The following HPGDS variants were observed in gnomAD, a reference collection of about 807,000 sequenced individuals.
HPGDS encodes the protein hematopoietic prostaglandin D synthase.
HPGDS carries 26 observed loss-of-function variants against 23.1 expected under a neutral mutation model. That is an observed-to-expected ratio of 1.13 (90% confidence interval 0.83 to 1.56). The LOEUF (loss-of-function observed/expected upper bound fraction) is 1.56. Among genes scored for constraint, HPGDS ranks in the 40% most tolerant of loss-of-function variants. The pLI, the probability that HPGDS is intolerant of heterozygous loss-of-function variation, is 0.00. For missense variants in HPGDS, 268 were observed against 236.4 expected, an observed-to-expected ratio of 1.13 and a Z score of -0.88; for synonymous variants, 95 against 77.9, an observed-to-expected ratio of 1.22 and a Z score of -1.16.
At chr4:94,311,588 T>G (rs891490161) in intron 3 of HPGDS, among the ~76,000 whole-genome samples, 2 of 151,310 alleles carry the variant, frequency 1.3e-5, no homozygotes, top group African/African-American at 4.9e-5. Context: ...AGGATATTGG[T>G]CTAAACTTCT....
At chr4:94,335,662 T>C (rs578236729) in intron 1 of HPGDS, among the ~76,000 whole-genome samples, 2 of 152,278 alleles carry the variant, frequency 1.3e-5, no homozygotes, top group Admixed American at 6.5e-5. Flanking sequence ...AACTTAATCA[T>C]TAGCATCAGT....
In HPGDS at chr4:94,334,511, G is replaced by T; in HGVS notation, c.119C>A (p.Pro40His). Residue 40 changes from proline (P) to histidine (H), a missense_variant, in exon 2 of 6, where the codon CCT (proline) becomes CAT (histidine). By Grantham distance (77) the Pro-to-His change is moderately conservative. Coordinates refer to ENST00000295256, the MANE Select transcript of HPGDS (RefSeq NM_014485.3). Reference protein sequence around the residue: ...EDHRIEQADWPEIKSTLPFGK... With the variant: ...EDHRIEQADWHEIKSTLPFGK... ...TTGCTACTTACTTGATTTGATTTCA[G>T]GCCAGTCAGCTTGTTCTATTCTGTG... 6.3e-7 allele frequency: 1 copy of T among 1,591,372 alleles called. No individual in the cohort carries two copies.
At chr4:94,333,746 A>G (rs140945541) in intron 2 of HPGDS, among the ~76,000 whole-genome samples, 48 of 152,350 alleles carry the variant, frequency 3.2e-4, no homozygotes, top group Non-Finnish European at 6.0e-4. Flanking sequence ...GTGAACTTAT[A>G]TTTCAAAGCT....
intron 2 of HPGDS, among the ~76,000 whole-genome samples, chr4:94,328,801 A>G (rs1020580527): frequency 2.0e-5 from 3 of 152,194 alleles, no homozygotes; most frequent in African/African-American, 7.2e-5. Flanking sequence ...TTAGTTTTGG[A>G]CATAAAATTA....
rs541766902 is a variant in HPGDS at position 94,321,370 on chromosome 4, C to T, written c.134-3405G>A. Reference sequence around the variant, plus strand: ...ACCTTGGGCAGTATGGCCATTTTCACGATATTGATTCTTCCTACCCATGAG... The same window carrying T: ...ACCTTGGGCAGTATGGCCATTTTCATGATATTGATTCTTCCTACCCATGAG... On this transcript the variant is annotated intron_variant, in intron 2 of 5. Transcript: ENST00000295256. Among the ~76,000 whole-genome samples, 14 of 152,226 alleles carry T rather than the reference C, an allele frequency of 9.2e-5. No individual in the cohort carries two copies. In the South Asian group the frequency reaches 1.9e-3, roughly 20 times the overall value.
intron 1 of HPGDS, among the ~76,000 whole-genome samples, chr4:94,338,402 G>T (rs947724806): frequency 6.6e-6 from 1 of 152,140 alleles, no homozygotes; most frequent in Non-Finnish European, 1.5e-5. Context: ...TCCAGCCTGG[G>T]CGACAGTGAG....
intron 2 of HPGDS, among the ~76,000 whole-genome samples, chr4:94,324,286 C>T (rs1444742927): frequency 1.3e-5 from 2 of 152,094 alleles, no homozygotes; most frequent in Non-Finnish European, 2.9e-5. Context: ...CTCTGTATTT[C>T]CTGAATTTGC....
intron 2 of HPGDS, among the ~76,000 whole-genome samples, chr4:94,325,830 C>T (rs909678963): frequency 2.6e-5 from 4 of 152,150 alleles, no homozygotes; most frequent in African/African-American, 9.7e-5. Context: ...CCAGGTACCT[C>T]AGTTGGAAAT....
intron 2 of HPGDS, among the ~76,000 whole-genome samples, chr4:94,333,336 C>T (rs1756765423): frequency 6.6e-6 from 1 of 152,200 alleles, no homozygotes; most frequent in Non-Finnish European, 1.5e-5. Flanking sequence ...GTTGGGCTTA[C>T]CAAGTGACGT....
rs1755992904 is a variant in HPGDS at position 94,299,532 on chromosome 4, G to A, written c.548C>T (p.Ala183Val). The change falls in exon 6 of 6, where the codon GCC (alanine) becomes GTC (valine). Residue 183 changes from alanine to valine, a missense_variant. Coordinates refer to ENST00000295256, the MANE Select transcript of HPGDS (RefSeq NM_014485.3). ...RLVTLRKKVQ[A>V]IPAVANWIKR... Reference sequence around the variant, plus strand: ...TATCCAGTTAGCGACGGCAGGAATGGCTTGGACTTTCTTCCGTAAAGTCAC... The same window carrying A: ...TATCCAGTTAGCGACGGCAGGAATGACTTGGACTTTCTTCCGTAAAGTCAC... 4 of 1,613,728 alleles carry A rather than the reference G, an allele frequency of 2.5e-6. No individual in the cohort carries two copies. Among genetic ancestry groups the A allele is most frequent in the East Asian group, 2.2e-5 (1 of 44,856 alleles).
At chr4:94,307,973 ATTTCAGGTTGAGATCCCTTATC>A (rs1756170564) in intron 4 of HPGDS, among the ~76,000 whole-genome samples, 1 of 152,094 alleles carries the variant, frequency 6.6e-6, no homozygotes, top group Non-Finnish European at 1.5e-5. Context: ...AAAAATTGTT[ATTTCAGGTTGAGATCCCTTATC>A]CAACATGCTT....
At chr4:94,323,691 C>A (rs968422190) in intron 2 of HPGDS, among the ~76,000 whole-genome samples, 1 of 152,088 alleles carries the variant, frequency 6.6e-6, no homozygotes, top group African/African-American at 2.4e-5. Flanking sequence ...GAATACAGCA[C>A]ACTGATGGGT....
intron 5 of HPGDS, among the ~76,000 whole-genome samples, chr4:94,300,427 G>A (rs1203366810): frequency 6.6e-6 from 1 of 152,160 alleles, no homozygotes; most frequent in African/African-American, 2.4e-5. Context: ...GGCTCCATAT[G>A]ATTATCAAAG....
chr4:94,327,815 T>C (rs1165822687), intron 2 of HPGDS, among the ~76,000 whole-genome samples: 3 of 152,162 alleles, frequency 2.0e-5, no homozygotes, highest in African/African-American at 7.2e-5. Context: ...AGCATTGCAA[T>C]GCTGCAGCCC....
chr4:94,315,726 C>T (rs753402469), intron 3 of HPGDS, among the ~76,000 whole-genome samples: 5 of 152,132 alleles, frequency 3.3e-5, no homozygotes, highest in Non-Finnish European at 2.9e-5. Context: ...AATTCTTGAA[C>T]GATTTAGAGT....
At chr4:94,323,653 G>A (rs1331292133) in intron 2 of HPGDS, among the ~76,000 whole-genome samples, 36 of 151,968 alleles carry the variant, frequency 2.4e-4, no homozygotes, top group Admixed American at 2.4e-3. Flanking sequence ...GAGCCTATGT[G>A]TGTCTCTGCA....
chr4:94,327,699 T>G (rs1756661289), intron 2 of HPGDS, among the ~76,000 whole-genome samples: 1 of 152,142 alleles, frequency 6.6e-6, no homozygotes, highest in Non-Finnish European at 1.5e-5. Flanking sequence ...GCTTCCTGTG[T>G]TACAGCAGCA....
intron 3 of HPGDS, among the ~76,000 whole-genome samples, chr4:94,317,328 A>G (rs1367603379): frequency 6.6e-6 from 1 of 152,168 alleles, no homozygotes; most frequent in Admixed American, 6.6e-5. Context: ...AACAGTTTCT[A>G]TTGTTTCTCT....
intron 2 of HPGDS, among the ~76,000 whole-genome samples, chr4:94,321,165 G>A (rs1046643487): frequency 3.3e-5 from 5 of 152,156 alleles, no homozygotes; most frequent in African/African-American, 1.2e-4. Flanking sequence ...GGTTACTGTA[G>A]GCTTGTAGTA....
Sources: gnomAD v4.1 joint callset for allele counts (sites outside exome capture counted in the v4.1 genomes callset) on GRCh38, gnomAD v4.1.1 for gene constraint, MANE v1.5 for transcripts, NCBI Gene and HGNC (gene_info 2026-07-23, HGNC 2026-07-21) for gene names.